Variants in REEP2 observed in about 807,000 individuals in gnomAD.
The protein encoded by REEP2 is receptor accessory protein 2.
REEP2 carries 9 observed loss-of-function variants against 32.1 expected under a neutral mutation model. The observed-to-expected ratio is 0.28, with a 90% CI of 0.17 to 0.49. REEP2 has a LOEUF of 0.49. Among genes scored for constraint, REEP2 ranks in the 20% least tolerant of loss-of-function variants. The pLI is 0.99. For missense variants in REEP2, 236 were observed against 338.0 expected (o/e 0.70, Z 2.37); for synonymous variants, 128 against 139.1 (o/e 0.92, Z 0.56).
chr5:138,442,875 A>T (rs1041483059), intron 3 of REEP2, among the ~76,000 whole-genome samples: 2 of 151,630 alleles, frequency 1.3e-5, no homozygotes, highest in Non-Finnish European at 2.9e-5. Context: ...AAAAAAAAAA[A>T]AATAGCTAGG....
At chr5:138,439,381 G>A (rs1226050381) in intron 1 of REEP2, 141 bp downstream of exon 1, 4 of 834,050 alleles carry the variant, frequency 4.8e-6, no homozygotes, top group Non-Finnish European at 7.3e-6. Flanking sequence ...CAGAGACATG[G>A]AGATGTGGCA....
At chr5:138,444,676 A>G in intron 4 of REEP2, 78 bp from the exon 5 acceptor site, 2 of 1,565,090 alleles carry the variant, frequency 1.3e-6, no homozygotes, top group Non-Finnish European at 1.7e-6. Flanking sequence ...CTCCCGGAGC[A>G]GGCAGGGGCC....
At position 138,444,861 on chromosome 5, in the gene REEP2, C is replaced by T. The variant is rs767756939; in HGVS notation, c.411C>T (p.Ala137=). ...NLAANAAVTA[A]AKGQGVLSEK... The stretch of plus-strand genomic sequence containing the variant: ...CCGCCAATGCTGCAGTCACAGCTGC[C>T]GCCAAGGTGAGATGGGGGCAGGCTC... Residue 137 remains alanine (A), a synonymous_variant, in exon 5 of 8, where the codon GCC becomes GCT. Transcript: ENST00000378339. 2.2e-5 allele frequency: 36 copies of T among 1,610,746 alleles called. No homozygotes were observed. Among genetic ancestry groups the T allele is most frequent in the African/African-American group, 1.5e-4 (11 of 74,810 alleles).
Position 138,441,027 on chromosome 5 carries a change from G to C in REEP2, c.44G>C (p.Gly15Ala). 3.1e-6 allele frequency: 5 copies of C among 1,613,144 alleles called. No homozygotes were observed. The highest frequency in any genetic ancestry group is 3.4e-6 in the Non-Finnish European group (4 of 1,179,982). ...GCCTGCCTCCCTAGGCTCATCTTTGGCACCCTGTACCCAGCCTATTCTTCC... is the reference window on the plus strand; with the variant it reads ...GCCTGCCTCCCTAGGCTCATCTTTGCCACCCTGTACCCAGCCTATTCTTCC... Reference protein sequence around the residue: ...IISRLVVLIFGTLYPAYSSYK... With the variant: ...IISRLVVLIFATLYPAYSSYK... Residue 15 changes from glycine to alanine, a missense_variant, in exon 2 of 8, where the codon GGC (glycine) becomes GCC (alanine). Gly to Ala is a moderately conservative substitution (Grantham distance 60). Transcript: ENST00000378339. The surrounding 1 kb of genome is among the most constrained non-coding windows in gnomAD (Gnocchi z 4.4).
At chr5:138,440,223 C>G (rs562348228) in intron 1 of REEP2, among the ~76,000 whole-genome samples, 2 of 152,212 alleles carry the variant, frequency 1.3e-5, no homozygotes, top group African/African-American at 4.8e-5. Context: ...TCTTCCCATT[C>G]GGTACAGCCG....
At chr5:138,444,558 C>T in intron 4 of REEP2, 23 bp downstream of exon 4, 1 of 1,612,658 alleles carries the variant, frequency 6.2e-7, no homozygotes, top group Non-Finnish European at 8.5e-7. Flanking sequence ...TCTCAGCTCA[C>T]CTCCCAGCCT....
Position 138,446,444 on chromosome 5 carries a change from G to T in REEP2, c.*693G>T. ...CTCGGGGTAGTTTGGGTCAAGGACT[G>T]TCCCTCCAGCAGTCGCCTCCTCCCA... On this transcript the variant is annotated 3_prime_UTR_variant, in exon 8 of 8. Coordinates refer to ENST00000378339, the MANE Select transcript of REEP2 (RefSeq NM_001271803.2). 6.6e-6 allele frequency: 1 copy of T among 152,636 alleles called. No individual in the cohort carries two copies. The highest frequency in any genetic ancestry group is 1.5e-5 in the Non-Finnish European group (1 of 68,360). 9.5% of individuals were successfully genotyped at this position (152,636 alleles called of 1,614,324 possible).
intron 1 of REEP2, among the ~76,000 whole-genome samples, chr5:138,440,579 CCT>C (rs1763804844): frequency 2.0e-5 from 3 of 152,228 alleles, no homozygotes; most frequent in African/African-American, 7.2e-5. Context: ...GGTAGGGTGC[CCT>C]GTTAGGTGGT....
At position 138,444,404 on chromosome 5, in the gene REEP2, T is replaced by C. The variant is rs1373927437; in HGVS notation, c.183-11T>C. 1.9e-6 allele frequency: 3 copies of C among 1,613,436 alleles called. No homozygotes were observed. Among genetic ancestry groups the C allele is most frequent in the Admixed American group, 3.3e-5 (2 of 59,996 alleles). On this transcript the variant is annotated splice_polypyrimidine_tract_variant and intron_variant, in intron 3 of 7. Transcript: ENST00000378339. ...CTGCCCTGTACTCTGCGCTTGCCCC[T>C]GTCCCAACAGGTTCCCCTTCTACTT...
In REEP2 at chr5:138,445,885, G is replaced by A; in HGVS notation, c.*134G>A. 1.2e-6 allele frequency: 1 copy of A among 828,736 alleles called. No homozygotes were observed. The highest frequency in any genetic ancestry group is 1.9e-6 in the Non-Finnish European group (1 of 531,012). 51.3% of individuals were successfully genotyped at this position (828,736 alleles called of 1,614,324 possible). A position where few individuals can be genotyped will look rare whatever the true frequency, so the allele number is the denominator to read the frequency against. On this transcript the variant is annotated 3_prime_UTR_variant, in exon 8 of 8. Coordinates refer to ENST00000378339, the MANE Select transcript of REEP2 (RefSeq NM_001271803.2). ...GGCCCCGCAGATGGCCATTTCCGGTGCCTGCCCAGTGGCCACTCTTCTGGA... is the reference window on the plus strand; with the variant it reads ...GGCCCCGCAGATGGCCATTTCCGGTACCTGCCCAGTGGCCACTCTTCTGGA...
intron 5 of REEP2, 116 bp downstream of exon 5, chr5:138,444,983 C>A: frequency 1.2e-6 from 1 of 810,972 alleles, no homozygotes; most frequent in Non-Finnish European, 1.9e-6. Context: ...GCTCATGCAG[C>A]TGGAGGCTCC....
rs995544635 is a variant in REEP2, at chr5:138,446,704, TCTC to T, written c.*957_*959del. On this transcript the variant is annotated 3_prime_UTR_variant, in exon 8 of 8. Transcript: ENST00000378339. ...TACAGGCCCCTGCTGAGTGGGCCCCTCTCCTCTGCCCCTGGGGTCCATCCCCTC... is the reference window on the plus strand; with the variant it reads ...TACAGGCCCCTGCTGAGTGGGCCCCTCTCTGCCCCTGGGGTCCATCCCCTC... The T allele has an allele frequency of 6.6e-6, 1 of 152,512 alleles. No homozygotes were observed. The highest frequency in any genetic ancestry group is 1.5e-5 in the Non-Finnish European group (1 of 68,422). The allele number at this position is 152,512 out of a possible 1,614,324, so 9.4% of individuals were successfully genotyped here.
chr5:138,440,685 G>GT lies in REEP2; in HGVS notation c.33-330dup, dbSNP rs1304658109. ...ATGAGGTCAAGAAGGAAGACACCCT[G>GT]TGGCAGTGACCTGACTCCCAGTCTC... is the stretch of plus-strand genomic sequence containing the variant. On this transcript the variant is annotated intron_variant, in intron 1 of 7. Coordinates refer to ENST00000378339, the MANE Select transcript of REEP2 (RefSeq NM_001271803.2). Among the ~76,000 whole-genome samples the GT allele has an allele frequency of 3.0e-4, 46 of 152,200 alleles. 1 individual carries two copies. The highest frequency in any genetic ancestry group is 3.0e-3 in the Admixed American group (46 of 15,292).
In REEP2 at chr5:138,441,252, A is replaced by G; in HGVS notation, c.106-133A>G. The stretch of plus-strand genomic sequence containing the variant: ...GGGTGTCCCACACAGCGCCTCCAAC[A>G]TGGCTGGCAGGCAGAAGTGGGGTCC... On this transcript the variant is annotated intron_variant, in intron 2 of 7. Coordinates refer to ENST00000378339, the MANE Select transcript of REEP2 (RefSeq NM_001271803.2). The surrounding 1 kb of genome is among the most constrained non-coding windows in gnomAD (Gnocchi z 4.4). 1 of 1,261,250 alleles carries G rather than the reference A, an allele frequency of 7.9e-7. No individual in the cohort carries two copies. The highest frequency in any genetic ancestry group is 1.2e-6 in the Non-Finnish European group (1 of 869,226). The allele number at this position is 1,261,250 out of a possible 1,614,324, so 78.1% of individuals were successfully genotyped here.
At position 138,439,179 on chromosome 5, in the gene REEP2, TCCCCGCCCCGCGCCGCG is replaced by T; in HGVS notation, c.-26_-10del. On this transcript the variant is annotated 5_prime_UTR_variant, in exon 1 of 8. Coordinates refer to ENST00000378339, the MANE Select transcript of REEP2 (RefSeq NM_001271803.2). The stretch of plus-strand genomic sequence containing the variant: ...CAGCTGCATCCTCGGCCGGGCCGGG[TCCCCGCCCCGCGCCGCG>T]CCCGGCCCCGCCATGGTGTCCTGGA... The T allele has an allele frequency of 7.4e-7, 1 of 1,348,980 alleles. No individual in the cohort carries two copies. Among genetic ancestry groups the T allele is most frequent in the Non-Finnish European group, 9.5e-7 (1 of 1,053,154 alleles). The allele number at this position is 1,348,980 out of a possible 1,614,324, so 83.6% of individuals were successfully genotyped here. A position where few individuals can be genotyped will look rare whatever the true frequency, so the allele number is the denominator to read the frequency against.
chr5:138,445,766 G>C lies in REEP2; in HGVS notation c.*15G>C. 1 of 1,610,928 alleles carries C rather than the reference G, an allele frequency of 6.2e-7. No homozygotes were observed. The highest frequency in any genetic ancestry group is 8.5e-7 in the Non-Finnish European group (1 of 1,178,554). On this transcript the variant is annotated 3_prime_UTR_variant, in exon 8 of 8. Coordinates refer to ENST00000378339, the MANE Select transcript of REEP2 (RefSeq NM_001271803.2). ...ACTCAGCTTGAGCCCCTCCACCCCCGCAGGCTGCAGAGCAAGGATGAAGCC... is the reference window on the plus strand; with the variant it reads ...ACTCAGCTTGAGCCCCTCCACCCCCCCAGGCTGCAGAGCAAGGATGAAGCC...
Position 138,441,695 on chromosome 5 carries a change from T to G in REEP2, c.182+234T>G, listed in dbSNP as rs993059085. On this transcript the variant is annotated intron_variant, in intron 3 of 7. Transcript: ENST00000378339. The surrounding 1 kb of genome is among the most constrained non-coding windows in gnomAD (Gnocchi z 4.4). ...ATCCCAGCACTTTGGGAGGTCTAAG[T>G]GGGTGGATCATTTGAGGTCAGGAGT... Among the ~76,000 whole-genome samples the G allele has an allele frequency of 6.6e-6, 1 of 151,804 alleles. No homozygotes were observed. The highest frequency in any genetic ancestry group is 2.4e-5 in the African/African-American group (1 of 41,298).
At chr5:138,445,638 G>T in intron 7 of REEP2, 40 bp downstream of exon 7, 1 of 1,614,154 alleles carries the variant, frequency 6.2e-7, no homozygotes. Flanking sequence ...CAGGCAGGGG[G>T]TGGCGGCTCC....
At chr5:138,440,950 CG>C in intron 1 of REEP2, 65 bp from the exon 2 acceptor site, 1 of 1,603,528 alleles carries the variant, frequency 6.2e-7, no homozygotes, top group Non-Finnish European at 8.5e-7. Context: ...GGGGCTGATG[CG>C]GAGCTGGGAG....
Sources: gnomAD v4.1 joint callset for allele counts (sites outside exome capture counted in the v4.1 genomes callset) on GRCh38, gnomAD v4.1.1 for gene constraint, Gnocchi (gnomAD v3.1) non-coding constraint, MANE v1.5 for transcripts, NCBI Gene and HGNC (gene_info 2026-07-23, HGNC 2026-07-21) for gene names.